The following ROBO2 variants were observed in gnomAD, a reference collection of about 807,000 sequenced individuals.
ROBO2 encodes the protein roundabout homolog 2.
ROBO2 carries 53 observed loss-of-function variants against 160.8 expected under a neutral mutation model. That is an observed-to-expected ratio of 0.33 (90% CI 0.26 to 0.41). ROBO2 has a LOEUF of 0.41. Ranked by LOEUF, ROBO2 falls within the 10% of genes least tolerant of loss-of-function variation. ROBO2 has a pLI of 1.00. For missense variants in ROBO2, 1,577 were observed against 1,722.4 expected, an observed-to-expected ratio of 0.92 and a Z score of 1.49; for synonymous variants, 664 against 611.7, an observed-to-expected ratio of 1.09 and a Z score of -1.26.
chr3:75,996,490 C>T (rs2065729269), intron 2 of ROBO2, among the ~76,000 whole-genome samples: 1 of 152,120 alleles, frequency 6.6e-6, no homozygotes, highest in Non-Finnish European at 1.5e-5. Flanking sequence ...TATAAATTGC[C>T]CAGGCTTGGT....
Position 76,900,822 on chromosome 3 carries a change from C to T in ROBO2, c.110-197192C>T, listed in dbSNP as rs532529331. 8.9e-4 allele frequency among the ~76,000 whole-genome samples: 136 copies of T among 152,258 alleles called. 1 individual carries two copies. The highest frequency in any genetic ancestry group is 1.4e-3 in the East Asian group (7 of 5,176). On this transcript the variant is annotated intron_variant, in intron 2 of 26. Transcript: ENST00000487694. ...TGCAGTGAGAAGCTGAGTGCCACAG[C>T]AAGGCAGATGAAGAAAAGATGGTGT... is the stretch of plus-strand genomic sequence containing the variant.
chr3:77,642,577 C>A (rs1056024580), intron 24 of ROBO2, 94 bp from the exon 26 acceptor site: 3 of 383,138 alleles, frequency 7.8e-6, no homozygotes, highest in Admixed American at 7.0e-5. Context: ...ATGGGTAATA[C>A]CTGTATAAGG....
intron 2 of ROBO2, among the ~76,000 whole-genome samples, chr3:76,484,683 G>A (rs1229402889): frequency 6.6e-6 from 1 of 152,050 alleles, no homozygotes; most frequent in African/African-American, 2.4e-5. Flanking sequence ...TTATTCAATC[G>A]AGATTTCTGC....
intron 2 of ROBO2, among the ~76,000 whole-genome samples, chr3:77,370,125 T>C (rs4683997): frequency 0.82 from 125,373 of 152,168 alleles, 51,873 homozygotes; most frequent in East Asian, 1. Context: ...ATAACAAAAG[T>C]GTGATGGTTT....
intron 2 of ROBO2, among the ~76,000 whole-genome samples, chr3:75,938,977 C>T (rs1947916008): frequency 6.6e-6 from 1 of 152,120 alleles, no homozygotes; most frequent in Non-Finnish European, 1.5e-5. Context: ...AATATGTAGA[C>T]AGTAGCCACG....
At chr3:77,600,561 T>A (rs928020414) in intron 19 of ROBO2, among the ~76,000 whole-genome samples, 1 of 152,172 alleles carries the variant, frequency 6.6e-6, no homozygotes, top group Admixed American at 6.5e-5. Flanking sequence ...GCAATCCACA[T>A]CTAAAGCTTT....
chr3:77,507,072 A>G (rs1292739651), intron 5 of ROBO2, among the ~76,000 whole-genome samples: 3 of 152,250 alleles, frequency 2.0e-5, no homozygotes, highest in African/African-American at 7.2e-5. Flanking sequence ...GAATTGGCGA[A>G]ACTAGTAAAG....
intron 2 of ROBO2, among the ~76,000 whole-genome samples, chr3:76,559,992 G>A (rs1281437403): frequency 6.6e-6 from 1 of 152,038 alleles, no homozygotes; most frequent in Non-Finnish European, 1.5e-5. Context: ...AAAATCCTTA[G>A]AGCAATGCAA....
Position 77,590,333 on chromosome 3 carries a change from A to G in ROBO2, c.2683+1400A>G, listed in dbSNP as rs76539906. 2.0e-3 allele frequency among the ~76,000 whole-genome samples: 304 copies of G among 152,248 alleles called. 1 individual carries two copies. The highest frequency in any genetic ancestry group is 7.2e-3 in the African/African-American group (301 of 41,560). ...TCATAATTTGTCACCCAAGTGCTAT[A>G]TCACTTCAACAGTGAAGGATTCTTT... On this transcript the variant is annotated intron_variant, in intron 17 of 25. Transcript: ENST00000461745.
intron 6 of ROBO2, among the ~76,000 whole-genome samples, chr3:77,528,195 A>C (rs1340693965): frequency 6.6e-6 from 1 of 151,648 alleles, no homozygotes; most frequent in East Asian, 1.9e-4. Context: ...TGTTTAAATA[A>C]ATTTTGGTAA....
At chr3:76,717,369 G>T (rs1007609175) in intron 2 of ROBO2, among the ~76,000 whole-genome samples, 4 of 151,922 alleles carry the variant, frequency 2.6e-5, no homozygotes, top group African/African-American at 9.7e-5. Context: ...GCAGGCACTT[G>T]TAATCCCAGC....
intron 2 of ROBO2, among the ~76,000 whole-genome samples, chr3:76,948,386 T>G (rs2078701528): frequency 6.6e-6 from 1 of 151,966 alleles, no homozygotes; most frequent in South Asian, 2.1e-4. Flanking sequence ...CTATTTTTCC[T>G]AGTATTATAA....
intron 2 of ROBO2, among the ~76,000 whole-genome samples, chr3:77,208,725 A>T (rs1323330946): frequency 6.6e-6 from 1 of 152,180 alleles, no homozygotes. Flanking sequence ...GTGTAATTTG[A>T]AATTTGGGTT....
At chr3:77,342,855 G>C (rs140074077) in intron 2 of ROBO2, among the ~76,000 whole-genome samples, 4 of 152,282 alleles carry the variant, frequency 2.6e-5, no homozygotes, top group African/African-American at 9.6e-5. Flanking sequence ...TTAAAGTGCT[G>C]TATTAGTTGG....
At chr3:76,064,411 G>A (rs933836469) in intron 2 of ROBO2, among the ~76,000 whole-genome samples, 8 of 152,108 alleles carry the variant, frequency 5.3e-5, no homozygotes, top group Non-Finnish European at 8.8e-5. Flanking sequence ...GGAGTCAGCA[G>A]TGAACCAGTC....
chr3:77,001,892 T>A (rs368660614), intron 2 of ROBO2, among the ~76,000 whole-genome samples: 3 of 152,300 alleles, frequency 2.0e-5, no homozygotes, highest in African/African-American at 7.2e-5. Flanking sequence ...AAGGATCCTA[T>A]CTTCTTTTAT....
At chr3:76,811,775 CTCCTTCCTTCCTTCCTTCCTTCCTTCCT>C (rs767988628) in intron 2 of ROBO2, among the ~76,000 whole-genome samples, 22 of 96,862 alleles carry the variant, frequency 2.3e-4, no homozygotes, top group African/African-American at 7.9e-4. Flanking sequence ...CTCTCTTTCC[CTCCTTCCTTCCTTCCTTCCTTCCTTCCT>C]TCCTTCCTTC....
chr3:76,787,205 CA>C (rs1416543097), intron 2 of ROBO2, among the ~76,000 whole-genome samples: 1 of 151,224 alleles, frequency 6.6e-6, no homozygotes, highest in Non-Finnish European at 1.5e-5. Context: ...GACACAGAGC[CA>C]AACCATATCA....
chr3:76,843,214 A>G (rs1474935833), intron 2 of ROBO2, among the ~76,000 whole-genome samples: 1 of 149,726 alleles, frequency 6.7e-6, no homozygotes, highest in Non-Finnish European at 1.5e-5. Context: ...TAATATAAAT[A>G]TATTATAACA....
Sources: allele counts gnomAD v4.1 joint callset (sites outside exome capture counted in the v4.1 genomes callset), GRCh38; gene constraint gnomAD v4.1.1; transcripts MANE v1.5; gene names NCBI Gene and HGNC (gene_info 2026-07-23, HGNC 2026-07-21).